The following SCAI variants were observed in gnomAD, a reference collection of about 807,000 sequenced individuals.
SCAI encodes the protein protein SCAI.
In SCAI, 24 loss-of-function variants were observed where a neutral mutation model predicts 92.2. The ratio of observed to expected loss-of-function variants is 0.26; its 90% CI spans 0.19 to 0.37. The LOEUF is 0.37. Among genes scored for constraint, SCAI ranks in the 10% least tolerant of loss-of-function variants. SCAI has a pLI of 1.00. For missense variants in SCAI, 450 were observed against 736.2 expected (o/e 0.61, Z 4.50); for synonymous variants, 261 against 258.6 (o/e 1.01, Z -0.09).
chr9:125,076,881 A>G (rs1834101560), intron 2 of SCAI, among the ~76,000 whole-genome samples: 1 of 152,128 alleles, frequency 6.6e-6, no homozygotes. Context: ...AATTTTTAGT[A>G]GAGACGGGGT....
rs187037189 is a variant in SCAI, at chr9:125,009,766, G to A, written c.862-6196C>T. Reference sequence around the variant, plus strand: ...TAGCTGGGCCACTGTGATGGCACATGCCTGTAATGCCAGCTACTCAGGAGG... The same window carrying A: ...TAGCTGGGCCACTGTGATGGCACATACCTGTAATGCCAGCTACTCAGGAGG... On this transcript the variant is annotated intron_variant, in intron 9 of 17. Transcript: ENST00000336505. Among the ~76,000 whole-genome samples the A allele has an allele frequency of 9.9e-5, 15 of 152,084 alleles. 1 individual carries two copies. Among genetic ancestry groups the A allele is most frequent in the African/African-American group, 3.4e-4 (14 of 41,548 alleles).
chr9:125,105,024 G>T (rs979213905), intron 2 of SCAI, among the ~76,000 whole-genome samples: 7 of 151,514 alleles, frequency 4.6e-5, no homozygotes, highest in Admixed American at 1.3e-4. Context: ...AGTCTTCAAA[G>T]GGGCTTGACA....
chr9:125,075,049 C>G (rs139161441), intron 2 of SCAI, among the ~76,000 whole-genome samples: 29 of 152,124 alleles, frequency 1.9e-4, no homozygotes, highest in African/African-American at 6.0e-4. Context: ...TATCTAAAAA[C>G]AATACATACA....
intron 3 of SCAI, among the ~76,000 whole-genome samples, chr9:125,034,958 G>C (rs1833162424): frequency 6.6e-6 from 1 of 152,148 alleles, no homozygotes. Context: ...TCCATGTATA[G>C]ATCAAACACA....
chr9:124,970,973 C>A (rs1588124044), intron 17 of SCAI, among the ~76,000 whole-genome samples: 1 of 151,804 alleles, frequency 6.6e-6, no homozygotes, highest in African/African-American at 2.4e-5. Flanking sequence ...TGCCACCATA[C>A]CTGGCTAATT....
At chr9:125,126,392 GGTGTGTGTGTGTGT>G (rs3222316) in intron 2 of SCAI, among the ~76,000 whole-genome samples, 5 of 115,014 alleles carry the variant, frequency 4.3e-5, no homozygotes, top group Non-Finnish European at 9.9e-5. Flanking sequence ...GTGAGTTGGG[GGTGTGTGTGTGTGT>G]GTGTGTGTGT....
chr9:125,052,479 T>C (rs1833579356), intron 3 of SCAI, among the ~76,000 whole-genome samples: 1 of 151,358 alleles, frequency 6.6e-6, no homozygotes, highest in East Asian at 2.0e-4. Flanking sequence ...AGGGGGGCGG[T>C]GGGTGCCGAG....
intron 2 of SCAI, among the ~76,000 whole-genome samples, chr9:125,069,111 G>A (rs931308977): frequency 2.6e-4 from 39 of 151,688 alleles, no homozygotes; most frequent in African/African-American, 9.0e-4. Flanking sequence ...CTAGCTACTC[G>A]GGAGGCTGAG....
chr9:125,105,458 T>A (rs1322470247), intron 2 of SCAI, among the ~76,000 whole-genome samples: 1 of 152,276 alleles, frequency 6.6e-6, no homozygotes, highest in East Asian at 1.9e-4. Flanking sequence ...TTGGCCAAGA[T>A]CAAGTGTAGT....
At chr9:124,995,263 A>G (rs1440232008) in intron 13 of SCAI, among the ~76,000 whole-genome samples, 1 of 152,160 alleles carries the variant, frequency 6.6e-6, no homozygotes, top group Non-Finnish European at 1.5e-5. Flanking sequence ...AAGTCTGTGT[A>G]TTTAAAGATG....
chr9:125,113,388 T>G lies in SCAI; in HGVS notation c.98+29245A>C, dbSNP rs536766950. Among the ~76,000 whole-genome samples, 11 of 152,250 alleles carry G rather than the reference T, an allele frequency of 7.2e-5. No individual in the cohort carries two copies. In the South Asian group the frequency reaches 1.5e-3, roughly 20 times the overall value. Reference sequence around the variant, plus strand: ...ATATTTGACCAATGCCCCTCAAAATTTTCAAAGTCATCAAATATAAGAGAG... The same window carrying G: ...ATATTTGACCAATGCCCCTCAAAATGTTCAAAGTCATCAAATATAAGAGAG... On this transcript the variant is annotated intron_variant, in intron 2 of 17. Transcript: ENST00000336505.
At chr9:125,134,740 G>A (rs542825009) in intron 2 of SCAI, among the ~76,000 whole-genome samples, 15 of 152,330 alleles carry the variant, frequency 9.8e-5, no homozygotes, top group Non-Finnish European at 1.8e-4. Context: ...GCAATGGCAC[G>A]ATCTCGGCTC....
At chr9:125,121,990 T>C (rs1835166055) in intron 2 of SCAI, among the ~76,000 whole-genome samples, 1 of 152,190 alleles carries the variant, frequency 6.6e-6, no homozygotes, top group African/African-American at 2.4e-5. Context: ...TACGAAATGT[T>C]ATTTGTATTT....
chr9:125,060,815 T>C (rs1223995145), intron 2 of SCAI, among the ~76,000 whole-genome samples: 1 of 152,198 alleles, frequency 6.6e-6, no homozygotes, highest in Non-Finnish European at 1.5e-5. Flanking sequence ...CAGTCTCAGG[T>C]ATGTCTTTAT....
In SCAI at chr9:125,142,683, G is replaced by A. The variant is rs1314438448; in HGVS notation, c.54-6C>T. 1 of 1,613,070 alleles carries A rather than the reference G, an allele frequency of 6.2e-7. No individual in the cohort carries two copies. The highest frequency in any genetic ancestry group is 1.7e-5 in the Admixed American group (1 of 60,008). On this transcript the variant is annotated splice_region_variant and splice_polypyrimidine_tract_variant and intron_variant, in intron 1 of 17. Transcript: ENST00000336505. Reference sequence around the variant, plus strand: ...TCTCCACTGTGCCAGTCAGTCTGCAGACCAAACAAATAAGACGGTAACTAA... The same window carrying A: ...TCTCCACTGTGCCAGTCAGTCTGCAAACCAAACAAATAAGACGGTAACTAA...
At chr9:125,117,447 C>G (rs1365526935) in intron 2 of SCAI, among the ~76,000 whole-genome samples, 1 of 151,994 alleles carries the variant, frequency 6.6e-6, no homozygotes, top group East Asian at 1.9e-4. Context: ...GGGTAGATCA[C>G]CTGAGGTCAG....
intron 2 of SCAI, among the ~76,000 whole-genome samples, chr9:125,130,936 C>CTTTTTTTTTTTTTT (rs545651994): frequency 3.9e-5 from 3 of 77,292 alleles, no homozygotes; most frequent in Non-Finnish European, 7.8e-5. Flanking sequence ...GTTTGAACCG[C>CTTTTTTTTTTTTTT]TTTTTTTTTT....
chr9:124,959,539 T>C (rs555432302), intron 17 of SCAI, among the ~76,000 whole-genome samples: 253 of 147,010 alleles, frequency 1.7e-3, no homozygotes, highest in African/African-American at 5.2e-3. Flanking sequence ...TATACACACA[T>C]ATATATATAT....
At chr9:125,016,680 T>C (rs1292927404) in intron 9 of SCAI, among the ~76,000 whole-genome samples, 2 of 152,106 alleles carry the variant, frequency 1.3e-5, no homozygotes, top group African/African-American at 2.4e-5. Context: ...AGGGAAAAGA[T>C]GGTCTTTTTA....
Sources: allele counts gnomAD v4.1 joint callset (sites outside exome capture counted in the v4.1 genomes callset), GRCh38; gene constraint gnomAD v4.1.1; transcripts MANE v1.5; gene names NCBI Gene and HGNC (gene_info 2026-07-23, HGNC 2026-07-21).